The following HOOK3 variants were observed in gnomAD, a reference collection of about 807,000 sequenced individuals.
The protein encoded by HOOK3 is protein Hook homolog 3.
A neutral mutation model predicts 116.3 loss-of-function variants in HOOK3; 24 were observed. The ratio of observed to expected loss-of-function variants is 0.21; its 90% confidence interval spans 0.15 to 0.29. The LOEUF is 0.29. HOOK3 is among the 10% of genes least tolerant of loss of function. The pLI is 1.00. For missense variants in HOOK3, 632 were observed against 830.2 expected, an observed-to-expected ratio of 0.76 and a Z score of 2.93; for synonymous variants, 275 against 283.0, an observed-to-expected ratio of 0.97 and a Z score of 0.28.
chr8:42,994,875 A>G (rs1030262082), intron 15 of HOOK3, among the ~76,000 whole-genome samples: 1 of 152,240 alleles, frequency 6.6e-6, no homozygotes, highest in East Asian at 1.9e-4. Context: ...GATGTTTACA[A>G]TGGCTTCCGC....
intron 11 of HOOK3, among the ~76,000 whole-genome samples, chr8:42,970,712 T>C (rs1808711024): frequency 6.6e-6 from 1 of 152,130 alleles, no homozygotes; most frequent in Non-Finnish European, 1.5e-5. Flanking sequence ...AATTCTCATA[T>C]TACTTCTGAT....
chr8:42,995,898 C>G (rs892647475), intron 15 of HOOK3, among the ~76,000 whole-genome samples: 3 of 152,126 alleles, frequency 2.0e-5, no homozygotes, highest in Non-Finnish European at 4.4e-5. Flanking sequence ...ATAGCCTTCT[C>G]TCATCTTCAT....
chr8:42,960,495 T>C (rs1035554832), intron 8 of HOOK3, among the ~76,000 whole-genome samples: 1 of 152,208 alleles, frequency 6.6e-6, no homozygotes, highest in Non-Finnish European at 1.5e-5. Flanking sequence ...GTTTTCAACA[T>C]TTAGAATTCC....
At chr8:42,913,451 T>C (rs900551465) in intron 2 of HOOK3, among the ~76,000 whole-genome samples, 4 of 152,262 alleles carry the variant, frequency 2.6e-5, no homozygotes, top group African/African-American at 9.6e-5. Flanking sequence ...CATGTTGTTA[T>C]CTGTATTAAT....
intron 1 of HOOK3, among the ~76,000 whole-genome samples, chr8:42,904,306 C>CTTTT (rs753501072): frequency 2.0e-4 from 24 of 122,436 alleles, no homozygotes; most frequent in African/African-American, 4.6e-4. Flanking sequence ...CCGGTATGAT[C>CTTTT]TTTTTTTTTT....
At position 42,980,124 on chromosome 8, in the gene HOOK3, G is replaced by A. The variant is rs542129521; in HGVS notation, c.1322-2503G>A. On this transcript the variant is annotated intron_variant, in intron 13 of 21. Transcript: ENST00000307602. ...ATTACAGGCGCCTGCCACCATGCCC[G>A]GCTAATTTTTTGTATTTTTAGTAGA... Among the ~76,000 whole-genome samples the A allele has an allele frequency of 5.3e-5, 8 of 151,726 alleles. No homozygotes were observed. The East Asian group carries it at 9.7e-4, about 18-fold the overall frequency.
chr8:42,943,501 A>G lies in HOOK3; in HGVS notation c.400+56A>G, dbSNP rs545871203. On this transcript the variant is annotated intron_variant, in intron 5 of 21. Transcript: ENST00000307602. ...AAAATAATGAAGGAAAGTAGTGTAT[A>G]TTTTATATTTTATATATAAATCACC... The G allele has an allele frequency of 8.3e-5, 93 of 1,123,236 alleles. 1 individual carries two copies. In the East Asian group the frequency reaches 2.7e-3, roughly 33 times the overall value. 69.6% of individuals were successfully genotyped at this position (1,123,236 alleles called of 1,614,324 possible).
intron 4 of HOOK3, among the ~76,000 whole-genome samples, chr8:42,940,824 G>A (rs1563296752): frequency 6.6e-6 from 1 of 152,202 alleles, no homozygotes; most frequent in Non-Finnish European, 1.5e-5. Context: ...AGTTTTCCTA[G>A]ATAATATCCT....
intron 4 of HOOK3, among the ~76,000 whole-genome samples, chr8:42,938,698 T>TTTCTTTTA (rs565019470): frequency 3.3e-5 from 5 of 149,712 alleles, no homozygotes; most frequent in African/African-American, 7.4e-5. Flanking sequence ...AATGCTTTTC[T>TTTCTTTTA]TTTATTTATT....
chr8:42,944,268 T>G (rs1808182621), intron 5 of HOOK3, among the ~76,000 whole-genome samples: 1 of 149,320 alleles, frequency 6.7e-6, no homozygotes, highest in South Asian at 2.1e-4. Flanking sequence ...AAAAAAAAAT[T>G]AGCTGAGTGT....
rs1809867933 is a variant in HOOK3, at chr8:43,023,402, C to T, written c.*4904C>T. ...TCCTTCCTTCCTCCTTCCTTCCTTCCTTCCTTCCTTCCTTCCTTCCCTTCT... is the reference window on the plus strand; with the variant it reads ...TCCTTCCTTCCTCCTTCCTTCCTTCTTTCCTTCCTTCCTTCCTTCCCTTCT... On this transcript the variant is annotated 3_prime_UTR_variant, in exon 22 of 22. Coordinates refer to ENST00000307602, the MANE Select transcript of HOOK3 (RefSeq NM_032410.4). The T allele has an allele frequency of 6.1e-6, 1 of 163,704 alleles. No homozygotes were observed. The allele number at this position is 163,704 out of a possible 1,614,324, so 10.1% of individuals were successfully genotyped here. A position where few individuals can be genotyped will look rare whatever the true frequency, so the allele number is the denominator to read the frequency against.
chr8:42,897,236 C>T (rs1807014562), intron 1 of HOOK3, 48 bp downstream of exon 1: 4 of 1,187,094 alleles, frequency 3.4e-6, no homozygotes, highest in South Asian at 8.5e-5. Flanking sequence ...CCCCCGCCAC[C>T]TACCGGGACC....
chr8:42,948,758 G>A (rs991140727), intron 5 of HOOK3, among the ~76,000 whole-genome samples: 1 of 152,160 alleles, frequency 6.6e-6, no homozygotes, highest in African/African-American at 2.4e-5. Flanking sequence ...CACTCATAGG[G>A]TGATTCTCAT....
chr8:42,990,325 CTTTTTTTTTTTTTTTTTTTTTTTTT>C (rs59033055), intron 15 of HOOK3, among the ~76,000 whole-genome samples: 2 of 37,902 alleles, frequency 5.3e-5, no homozygotes, highest in South Asian at 9.7e-4. Context: ...CTGTTTAGAT[CTTTTTTTTTTTTTTTTTTTTTTTTT>C]TTTTTTTTTT....
At chr8:42,999,608 A>G (rs554014507) in intron 16 of HOOK3, among the ~76,000 whole-genome samples, 1 of 152,362 alleles carries the variant, frequency 6.6e-6, no homozygotes, top group East Asian at 1.9e-4. Flanking sequence ...GAGAAGAACA[A>G]CATAATTTCT....
chr8:42,912,685 T>TC (rs375458794), intron 2 of HOOK3, among the ~76,000 whole-genome samples: 1 of 151,712 alleles, frequency 6.6e-6, no homozygotes, highest in African/African-American at 2.4e-5. Flanking sequence ...ACACACTCCT[T>TC]GCCCACCACA....
At chr8:42,937,431 G>C (rs1384029730) in intron 4 of HOOK3, among the ~76,000 whole-genome samples, 1 of 147,300 alleles carries the variant, frequency 6.8e-6, no homozygotes, top group Non-Finnish European at 1.5e-5. Flanking sequence ...TCTTCTGCTA[G>C]CTTTTGAAAT....
rs1436141880 is a variant in HOOK3, at chr8:43,026,928, G to GT, written c.*8432dup. 1.6e-5 allele frequency: 3 copies of GT among 184,612 alleles called. No homozygotes were observed. Among genetic ancestry groups the GT allele is most frequent in the African/African-American group, 7.1e-5 (3 of 42,452 alleles). 11.4% of individuals were successfully genotyped at this position (184,612 alleles called of 1,614,324 possible). A position where few individuals can be genotyped will look rare whatever the true frequency, so the allele number is the denominator to read the frequency against. ...GGAGTCTCACTCTGAGTCTCACTCT[G>GT]TTGCCCAGGCTGGAGTGCAGTGGCA... On this transcript the variant is annotated 3_prime_UTR_variant, in exon 22 of 22. Coordinates refer to ENST00000307602, the MANE Select transcript of HOOK3 (RefSeq NM_032410.4).
intron 2 of HOOK3, among the ~76,000 whole-genome samples, chr8:42,921,014 C>T (rs1193893913): frequency 6.6e-6 from 1 of 152,184 alleles, no homozygotes; most frequent in East Asian, 1.9e-4. Flanking sequence ...AAGGAATAAG[C>T]AGGCTGTATC....
Sources: allele counts gnomAD v4.1 joint callset (sites outside exome capture counted in the v4.1 genomes callset), GRCh38; gene constraint gnomAD v4.1.1; transcripts MANE v1.5; gene names NCBI Gene and HGNC (gene_info 2026-07-23, HGNC 2026-07-21).